Variants in ABAT observed in about 807,000 individuals in gnomAD.
ABAT encodes 4-aminobutyrate aminotransferase, mitochondrial.
In ABAT, 45 loss-of-function variants were observed where a neutral mutation model predicts 64.6. The observed-to-expected ratio is 0.70, with a 90% CI of 0.55 to 0.89. The LOEUF is 0.89. Ranked by LOEUF, ABAT falls within the 40% of genes least tolerant of loss-of-function variation. ABAT has a pLI of 0.00. For missense variants in ABAT, 633 were observed against 658.4 expected (o/e 0.96, Z 0.42); for synonymous variants, 297 against 250.5 (o/e 1.19, Z -1.75).
intron 1 of ABAT, 34 bp from the exon 2 acceptor site, chr16:8,735,665 A>T: frequency 1.3e-6 from 2 of 1,532,562 alleles, no homozygotes; most frequent in Non-Finnish European, 1.8e-6. Context: ...AGTGGTCTTC[A>T]TGGGCCTAAG....
intron 2 of ABAT, among the ~76,000 whole-genome samples, chr16:8,743,416 G>C (rs2059225145): frequency 2.2e-5 from 1 of 45,764 alleles, no homozygotes; most frequent in Non-Finnish European, 3.5e-5. Context: ...TTGTGTAATG[G>C]AAACAGTTAT....
At chr16:8,745,341 T>C (rs535338715) in intron 2 of ABAT, among the ~76,000 whole-genome samples, 82 of 152,312 alleles carry the variant, frequency 5.4e-4, no homozygotes, top group African/African-American at 1.8e-3. Flanking sequence ...CTTTGTGTAC[T>C]GGTCCCATTA....
In ABAT at chr16:8,782,721, C is replaced by T. The variant is rs751478861; in HGVS notation, c.*1291C>T. On this transcript the variant is annotated 3_prime_UTR_variant, in exon 16 of 16. Coordinates refer to ENST00000268251, the MANE Select transcript of ABAT (RefSeq NM_020686.6). Reference sequence around the variant, plus strand: ...GACACTCTGGGAACTGATTTGACCTCGAATGCTCCTAAAAGAGAACTTGAT... The same window carrying T: ...GACACTCTGGGAACTGATTTGACCTTGAATGCTCCTAAAAGAGAACTTGAT... The T allele has an allele frequency of 1.3e-5, 2 of 152,202 alleles. No individual in the cohort carries two copies. Among genetic ancestry groups the T allele is most frequent in the Non-Finnish European group, 1.5e-5 (1 of 68,078 alleles). The allele number at this position is 152,202 out of a possible 1,614,324, so 9.4% of individuals were successfully genotyped here. A position where few individuals can be genotyped will look rare whatever the true frequency, so the allele number is the denominator to read the frequency against.
chr16:8,712,948 C>G (rs1014204961), intron 1 of ABAT: 2 of 152,276 alleles, frequency 1.3e-5, no homozygotes, highest in African/African-American at 4.8e-5. Context: ...TCTGCCCCCC[C>G]AACCCCATAC....
intron 10 of ABAT, 129 bp from the exon 11 acceptor site, chr16:8,768,696 G>A: frequency 4.7e-6 from 6 of 1,276,730 alleles, no homozygotes; most frequent in African/African-American, 1.5e-5. Context: ...AAGAACTGGG[G>A]TTTCACAGGC....
chr16:8,765,747 G>T (rs2059926773), intron 8 of ABAT: 1 of 153,538 alleles, frequency 6.5e-6, no homozygotes, highest in Non-Finnish European at 1.4e-5. Flanking sequence ...TCTGGGTTGT[G>T]CCTCTAGGTT....
At chr16:8,695,623 T>A (rs779384145) in intron 1 of ABAT, among the ~76,000 whole-genome samples, 1 of 152,204 alleles carries the variant, frequency 6.6e-6, no homozygotes, top group Non-Finnish European at 1.5e-5. Flanking sequence ...TGGAAATCAG[T>A]TAGCATCGGG....
intron 1 of ABAT, among the ~76,000 whole-genome samples, chr16:8,695,300 A>G (rs2141994577): frequency 6.6e-6 from 1 of 152,326 alleles, no homozygotes; most frequent in Middle Eastern, 3.4e-3. Flanking sequence ...CTGTTGAAAG[A>G]CTGGAATGAG....
chr16:8,764,801 G>C lies in ABAT; in HGVS notation c.511G>C (p.Ala171Pro). The C allele has an allele frequency of 6.2e-7, 1 of 1,613,980 alleles. No individual in the cohort carries two copies. The highest frequency in any genetic ancestry group is 8.5e-7 in the Non-Finnish European group (1 of 1,179,994). Residue 171 changes from alanine to proline, a missense_variant, in exon 8 of 16, where the codon GCC (alanine) becomes CCC (proline). Physicochemically the swap from Ala to Pro is conservative, Grantham distance 27. Coordinates refer to ENST00000268251, the MANE Select transcript of ABAT (RefSeq NM_020686.6). The surrounding 1 kb of genome is among the most constrained non-coding windows in gnomAD (Gnocchi z 4.2). Reference sequence around the variant, plus strand: ...CTGCGGCTCCTGCTCCAATGAAAACGCCTTAAAGACCATCTTCATGTGGTA... The same window carrying C: ...CTGCGGCTCCTGCTCCAATGAAAACCCCTTAAAGACCATCTTCATGTGGTA... ...MACGSCSNEN[A>P]LKTIFMWYRS...
intron 12 of ABAT, 107 bp from the exon 13 acceptor site, chr16:8,774,783 C>T (rs1641021): frequency 0.4 from 547,899 of 1,367,610 alleles, 114,081 homozygotes; most frequent in Non-Finnish European, 0.43. Flanking sequence ...AGAAAACAAG[C>T]ACGATGTGTG....
chr16:8,764,638 TC>T lies in ABAT; in HGVS notation c.448-96del. On this transcript the variant is annotated intron_variant, in intron 7 of 15. Transcript: ENST00000268251. This position sits in a 1 kb window ranked among gnomAD's most constrained non-coding sequence, Gnocchi z 4.2. ...TCCAGGACAGCCCTGGTTCTGTCTG[TC>T]CCCGGTACGGCCCCTGCGAAGATTC... The T allele has an allele frequency of 8.7e-7, 1 of 1,148,212 alleles. No individual in the cohort carries two copies. The highest frequency in any genetic ancestry group is 1.3e-6 in the Non-Finnish European group (1 of 766,034). 71.1% of individuals were successfully genotyped at this position (1,148,212 alleles called of 1,614,324 possible). A position where few individuals can be genotyped will look rare whatever the true frequency, so the allele number is the denominator to read the frequency against.
intron 1 of ABAT, among the ~76,000 whole-genome samples, chr16:8,700,684 A>G (rs1353842173): frequency 2.0e-5 from 3 of 151,936 alleles, no homozygotes; most frequent in African/African-American, 7.3e-5. Context: ...GCAGCCTTGA[A>G]CTCCTGGGAT....
chr16:8,696,387 C>G (rs2057702630), intron 1 of ABAT, among the ~76,000 whole-genome samples: 1 of 152,170 alleles, frequency 6.6e-6, no homozygotes, highest in South Asian at 2.1e-4. Context: ...CTTTGGGAGG[C>G]TGAGGCAGAC....
At chr16:8,680,878 T>A (rs2057316516) in intron 1 of ABAT, among the ~76,000 whole-genome samples, 1 of 152,252 alleles carries the variant, frequency 6.6e-6, no homozygotes, top group Admixed American at 6.5e-5. Flanking sequence ...GAGAAATGTC[T>A]ACTCAAGTTC....
chr16:8,777,596 G>C (rs1178603615), intron 14 of ABAT, among the ~76,000 whole-genome samples: 1 of 152,138 alleles, frequency 6.6e-6, no homozygotes, highest in Non-Finnish European at 1.5e-5. Flanking sequence ...GTGTGAGTGT[G>C]GCAGGCAGGC....
At chr16:8,687,483 G>A (rs1211418141) in intron 1 of ABAT, among the ~76,000 whole-genome samples, 9 of 152,306 alleles carry the variant, frequency 5.9e-5, no homozygotes, top group East Asian at 1.9e-4. Flanking sequence ...CCGAGATCGC[G>A]CCACCGCACT....
At position 8,776,268 on chromosome 16, in the gene ABAT, C is replaced by T. The variant is rs2060260694; in HGVS notation, c.1123-76C>T. 1.3e-5 allele frequency: 21 copies of T among 1,603,214 alleles called. No homozygotes were observed. The highest frequency in any genetic ancestry group is 7.7e-5 in the South Asian group (7 of 90,696). On this transcript the variant is annotated intron_variant, in intron 13 of 15. Transcript: ENST00000268251. This position sits in a 1 kb window ranked among gnomAD's most constrained non-coding sequence, Gnocchi z 4.4. ...TTTCTCTCCTCTTCAAGAGAGGAGGCGGGGCGCCTGGGGTAAGTGACTCCT... is the reference window on the plus strand; with the variant it reads ...TTTCTCTCCTCTTCAAGAGAGGAGGTGGGGCGCCTGGGGTAAGTGACTCCT...
chr16:8,680,982 C>T (rs111234632), intron 1 of ABAT, among the ~76,000 whole-genome samples: 20,834 of 62,566 alleles, frequency 0.33, 1,739 homozygotes, highest in Middle Eastern at 0.47. Context: ...TTTTATTTAT[C>T]TATTTTTTTT....
chr16:8,768,105 T>C (rs915463954), intron 9 of ABAT, 88 bp from the exon 10 acceptor site: 3 of 1,390,622 alleles, frequency 2.2e-6, no homozygotes, highest in Non-Finnish European at 3.1e-6. Context: ...TCTGATAGAT[T>C]TCTGTGTCCC....
Sources: gnomAD v4.1 joint callset for allele counts (sites outside exome capture counted in the v4.1 genomes callset) on GRCh38, gnomAD v4.1.1 for gene constraint, Gnocchi (gnomAD v3.1) non-coding constraint, MANE v1.5 for transcripts, NCBI Gene and HGNC (gene_info 2026-07-23, HGNC 2026-07-21) for gene names.